ELMO1: variants seen among roughly 807,000 people sequenced by gnomAD.
The protein encoded by ELMO1 is engulfment and cell motility protein 1.
In ELMO1, 26 loss-of-function variants were observed where a neutral mutation model predicts 98.9. That is an observed-to-expected ratio of 0.26 (90% CI 0.19 to 0.36). The LOEUF is 0.36. ELMO1 is among the 10% of genes least tolerant of loss of function. The pLI, the probability that ELMO1 is intolerant of heterozygous loss-of-function variation, is 1.00. For missense variants in ELMO1, 627 were observed against 935.2 expected (o/e 0.67, Z 4.30); for synonymous variants, 346 against 346.0 (o/e 1.00, Z 0.00).
rs1302261983 is a variant in ELMO1 at position 36,941,130 on chromosome 7, T to A, written c.1438-46113A>T. ...AAATTCCATCACTTCTTATCCAGAT[T>A]GGCTCTAAAAGAATAAATTGATTTC... On this transcript the variant is annotated intron_variant, in intron 16 of 21. Coordinates refer to ENST00000310758, the MANE Select transcript of ELMO1 (RefSeq NM_014800.11). Among the ~76,000 whole-genome samples, 3 of 152,238 alleles carry A rather than the reference T, an allele frequency of 2.0e-5. No individual in the cohort carries two copies. The East Asian group carries it at 5.8e-4, about 29-fold the overall frequency.
chr7:36,873,897 A>G (rs888606245), intron 19 of ELMO1, among the ~76,000 whole-genome samples: 2 of 152,252 alleles, frequency 1.3e-5, no homozygotes, highest in Non-Finnish European at 1.5e-5. Flanking sequence ...GAAACCATTC[A>G]AAGGAAGTAG....
intron 16 of ELMO1, among the ~76,000 whole-genome samples, chr7:36,980,695 T>C (rs1348501380): frequency 2.0e-5 from 3 of 152,240 alleles, no homozygotes; most frequent in Admixed American, 6.5e-5. Flanking sequence ...AAGATACTTA[T>C]TGTAATGATA....
chr7:37,311,085 T>C (rs1461650986), intron 4 of ELMO1, among the ~76,000 whole-genome samples: 1 of 151,988 alleles, frequency 6.6e-6, no homozygotes, highest in Non-Finnish European at 1.5e-5. Context: ...CATTGAATCT[T>C]AACTTTCTCT....
intron 14 of ELMO1, among the ~76,000 whole-genome samples, chr7:37,109,646 C>A (rs1413250134): frequency 6.6e-6 from 1 of 152,138 alleles, no homozygotes; most frequent in East Asian, 1.9e-4. Flanking sequence ...GAAACTGACT[C>A]GTGTTTCCTA....
intron 7 of ELMO1, among the ~76,000 whole-genome samples, chr7:37,243,973 T>C (rs1293491148): frequency 1.3e-5 from 2 of 152,204 alleles, no homozygotes; most frequent in East Asian, 3.8e-4. Flanking sequence ...CCGTTTTCTT[T>C]CTAAGCCACT....
chr7:37,003,126 A>G (rs1792798349), intron 16 of ELMO1, among the ~76,000 whole-genome samples: 1 of 152,232 alleles, frequency 6.6e-6, no homozygotes, highest in Non-Finnish European at 1.5e-5. Flanking sequence ...ACCAGAAAAT[A>G]AAGGGAAGAA....
chr7:37,224,650 C>G (rs577183209), intron 9 of ELMO1, among the ~76,000 whole-genome samples: 1 of 152,258 alleles, frequency 6.6e-6, no homozygotes, highest in African/African-American at 2.4e-5. Context: ...AAGGGCCAGG[C>G]GTGGGGACAG....
At chr7:37,157,937 G>T (rs1788915929) in intron 13 of ELMO1, among the ~76,000 whole-genome samples, 2 of 152,112 alleles carry the variant, frequency 1.3e-5, no homozygotes, top group South Asian at 4.1e-4. Flanking sequence ...AAACAGCATG[G>T]TACTGGTACC....
chr7:37,235,861 A>G (rs1026399843), intron 7 of ELMO1, among the ~76,000 whole-genome samples: 1 of 152,228 alleles, frequency 6.6e-6, no homozygotes, highest in Non-Finnish European at 1.5e-5. Context: ...TGGAGGCTGC[A>G]GTGAGCCAAG....
chr7:37,353,643 T>C (rs947480108), intron 1 of ELMO1: 1 of 152,212 alleles, frequency 6.6e-6, no homozygotes, highest in African/African-American at 2.4e-5. Context: ...AGGTTGCTGC[T>C]ACTGGCTCAG....
intron 14 of ELMO1, among the ~76,000 whole-genome samples, chr7:37,127,832 A>G (rs1786634634): frequency 6.6e-6 from 1 of 152,140 alleles, no homozygotes. Context: ...ATAGGTCTTC[A>G]GCCAAGCTAA....
At chr7:37,355,546 G>C (rs1313139979) in intron 1 of ELMO1, among the ~76,000 whole-genome samples, 1 of 152,228 alleles carries the variant, frequency 6.6e-6, no homozygotes. Flanking sequence ...GAAGTTTTGA[G>C]GGCATAGAAA....
intron 13 of ELMO1, among the ~76,000 whole-genome samples, chr7:37,184,626 G>A (rs1435056966): frequency 2.0e-5 from 3 of 152,126 alleles, no homozygotes; most frequent in Non-Finnish European, 2.9e-5. Context: ...TATGAAGTCC[G>A]TCATGGCATG....
chr7:37,281,897 T>G (rs1797158753), intron 4 of ELMO1, among the ~76,000 whole-genome samples: 1 of 152,178 alleles, frequency 6.6e-6, no homozygotes, highest in South Asian at 2.1e-4. Flanking sequence ...AGTGGCCCAG[T>G]GAAAGCCAGC....
At chr7:37,429,470 A>G (rs11770274) in intron 1 of ELMO1, 11,900 of 152,332 alleles carry the variant, frequency 0.078, 548 homozygotes, top group East Asian at 0.12. Flanking sequence ...AGAGGTGCTT[A>G]CAGGCAGGGA....
At chr7:37,137,093 T>C (rs1169124978) in intron 13 of ELMO1, among the ~76,000 whole-genome samples, 2 of 152,112 alleles carry the variant, frequency 1.3e-5, no homozygotes, top group Admixed American at 6.6e-5. Context: ...TCCATGCAAA[T>C]GGACAACAAA....
intron 16 of ELMO1, among the ~76,000 whole-genome samples, chr7:36,962,648 T>C (rs1404067776): frequency 2.3e-5 from 3 of 128,022 alleles, no homozygotes; most frequent in East Asian, 2.5e-4. Context: ...GCTTGAGTTA[T>C]GCATCTAAGG....
intron 13 of ELMO1, among the ~76,000 whole-genome samples, chr7:37,184,736 C>T (rs1563063020): frequency 6.6e-6 from 1 of 151,838 alleles, no homozygotes; most frequent in Non-Finnish European, 1.5e-5. Flanking sequence ...AGCAAAACCC[C>T]ATCTCTACCC....
chr7:37,281,209 A>G (rs914405459), intron 4 of ELMO1, among the ~76,000 whole-genome samples: 5 of 147,364 alleles, frequency 3.4e-5, no homozygotes, highest in African/African-American at 4.9e-5. Flanking sequence ...GAATGATACA[A>G]TGGACTGTGG....
Sources: gnomAD v4.1 joint callset for allele counts (sites outside exome capture counted in the v4.1 genomes callset) on GRCh38, gnomAD v4.1.1 for gene constraint, MANE v1.5 for transcripts, NCBI Gene and HGNC (gene_info 2026-07-23, HGNC 2026-07-21) for gene names.